Variants in ZC3H7A observed in about 807,000 individuals in gnomAD.
The protein encoded by ZC3H7A is zinc finger CCCH domain-containing protein 7A.
A neutral mutation model predicts 125.5 loss-of-function variants in ZC3H7A; 44 were observed. That is an observed-to-expected ratio of 0.35 (90% CI 0.28 to 0.45). ZC3H7A has a LOEUF of 0.45. ZC3H7A is among the 20% of genes least tolerant of loss of function. The pLI is 1.00. For synonymous variants in ZC3H7A, 399 were observed against 391.2 expected, an observed-to-expected ratio of 1.02 and a Z score of -0.23; for missense variants, 977 against 1,170.7, an observed-to-expected ratio of 0.83 and a Z score of 2.41.
At position 11,761,481 on chromosome 16, in the gene ZC3H7A, C is replaced by T; in HGVS notation, c.2244G>A (p.Val748=). Residue 748 remains valine (V), a synonymous_variant, in exon 19 of 23, where the codon GTG becomes GTA. Coordinates refer to ENST00000355758, the MANE Select transcript of ZC3H7A (RefSeq NM_014153.4). The part of the protein sequence containing the change: ...SWTKDRRAMR[V]MSIERKKWMN... ...TCCACTTCTTACGTTCAATAGACATCACTCTCATCGCACGCCGGTCTTTGG... is the reference window on the plus strand; with the variant it reads ...TCCACTTCTTACGTTCAATAGACATTACTCTCATCGCACGCCGGTCTTTGG... 6.2e-7 allele frequency: 1 copy of T among 1,614,094 alleles called. No homozygotes were observed. The highest frequency in any genetic ancestry group is 8.5e-7 in the Non-Finnish European group (1 of 1,179,988).
chr16:11,780,550 C>T (rs2053158744), intron 3 of ZC3H7A, among the ~76,000 whole-genome samples: 1 of 152,174 alleles, frequency 6.6e-6, no homozygotes, highest in East Asian at 1.9e-4. Context: ...TTTTAGAAGA[C>T]TGGACGGATC....
At chr16:11,782,462 C>G (rs1441989361) in intron 1 of ZC3H7A, 74 bp from the exon 2 acceptor site, 1 of 1,214,646 alleles carries the variant, frequency 8.2e-7, no homozygotes, top group Non-Finnish European at 1.2e-6. Flanking sequence ...CCCACAAATC[C>G]AGACCTTGTC....
At chr16:11,789,775 C>A (rs1035325382) in intron 1 of ZC3H7A, among the ~76,000 whole-genome samples, 1 of 151,934 alleles carries the variant, frequency 6.6e-6, no homozygotes, top group Non-Finnish European at 1.5e-5. Context: ...TCTAAGTATC[C>A]CTTTAAAGAA....
At chr16:11,767,025 A>G (rs1450621924) in intron 13 of ZC3H7A, among the ~76,000 whole-genome samples, 1 of 152,212 alleles carries the variant, frequency 6.6e-6, no homozygotes. Context: ...TTACATATTA[A>G]TAGATGTTAT....
chr16:11,782,115 G>C (rs899247385), intron 2 of ZC3H7A, among the ~76,000 whole-genome samples, 172 bp downstream of exon 2: 1 of 152,128 alleles, frequency 6.6e-6, no homozygotes, highest in African/African-American at 2.4e-5. Flanking sequence ...GCTTCCGAAT[G>C]CAAGAATGTT....
At chr16:11,763,437 G>GCTCTTGAGGAGACATACTTCT in intron 16 of ZC3H7A, 41 bp downstream of exon 16, 1 of 1,549,512 alleles carries the variant, frequency 6.5e-7, no homozygotes, top group East Asian at 2.4e-5. Context: ...AACCCTGTCT[G>GCTCTTGAGGAGACATACTTCT]CTCTTGAGGA....
rs971067639 is a variant in ZC3H7A, at chr16:11,797,154, A to C, written c.-65T>G. 2 of 152,500 alleles carry C rather than the reference A, an allele frequency of 1.3e-5. No individual in the cohort carries two copies. The highest frequency in any genetic ancestry group is 6.7e-5 in the Admixed American group (1 of 14,854). The allele number at this position is 152,500 out of a possible 1,614,324, so 9.4% of individuals were successfully genotyped here. On this transcript the variant is annotated 5_prime_UTR_variant, in exon 1 of 23. Transcript: ENST00000355758. The stretch of plus-strand genomic sequence containing the variant: ...GGGACGACGCGCCGGCCGGCGGCAG[A>C]AGGCAGGCGGAGGCGGGCGGCGGCA...
chr16:11,760,137 A>AAAAAAAAAAAAAAAAAAC (rs1555493879), intron 19 of ZC3H7A, among the ~76,000 whole-genome samples: 1 of 137,642 alleles, frequency 7.3e-6, no homozygotes. Flanking sequence ...AAAAAAAAAA[A>AAAAAAAAAAAAAAAAAAC]AAAAAAAAGA....
intron 16 of ZC3H7A, chr16:11,763,271 T>G: frequency 7.8e-6 from 3 of 383,708 alleles, no homozygotes; most frequent in Non-Finnish European, 9.2e-6. Context: ...CCACGCCCGA[T>G]TAATTTTTGT....
chr16:11,797,021 G>A (rs1352175911), intron 1 of ZC3H7A, 103 bp downstream of exon 1: 4 of 144,578 alleles, frequency 2.8e-5, no homozygotes, highest in Non-Finnish European at 4.5e-5. Context: ...CCCGCCGTCC[G>A]TTAACGGCCG....
intron 19 of ZC3H7A, 88 bp downstream of exon 19, chr16:11,761,318 G>A (rs2052748798): frequency 1.6e-6 from 2 of 1,248,722 alleles, no homozygotes; most frequent in Non-Finnish European, 2.3e-6. Flanking sequence ...TTATTTAAAG[G>A]GCTTGAGTTT....
chr16:11,785,614 C>G, intron 1 of ZC3H7A, among the ~76,000 whole-genome samples: 1 of 151,722 alleles, frequency 6.6e-6, no homozygotes, highest in East Asian at 1.9e-4. Context: ...ATCCATATGA[C>G]CCATTTTGTT....
Position 11,751,124 on chromosome 16 carries a change from CA to C in ZC3H7A, c.*192del. On this transcript the variant is annotated 3_prime_UTR_variant, in exon 23 of 23. Coordinates refer to ENST00000355758, the MANE Select transcript of ZC3H7A (RefSeq NM_014153.4). Reference sequence around the variant, plus strand: ...TAGCAGTCACTTCACCATCTGATGCCAGTGGTTCCGTGAGAGCGTGGCCAGG... The same window carrying C: ...TAGCAGTCACTTCACCATCTGATGCCGTGGTTCCGTGAGAGCGTGGCCAGG... 1 of 521,652 alleles carries C rather than the reference CA, an allele frequency of 1.9e-6. No homozygotes were observed. The highest frequency in any genetic ancestry group is 3.3e-6 in the Non-Finnish European group (1 of 301,078). The allele number at this position is 521,652 out of a possible 1,614,324, so 32.3% of individuals were successfully genotyped here.
chr16:11,751,288 AT>A lies in ZC3H7A; in HGVS notation c.*28del, dbSNP rs780232146. 3 of 1,589,814 alleles carry A rather than the reference AT, an allele frequency of 1.9e-6. No individual in the cohort carries two copies. The highest frequency in any genetic ancestry group is 2.6e-6 in the Non-Finnish European group (3 of 1,167,318). On this transcript the variant is annotated 3_prime_UTR_variant, in exon 23 of 23. Transcript: ENST00000355758. ...TTCAATTTTTCTGGTCAATGCTCTG[AT>A]TAGGTATCATACATAAAAGCCAGCA...
At chr16:11,763,062 G>C (rs1209196010) in intron 16 of ZC3H7A, 1 of 292,290 alleles carries the variant, frequency 3.4e-6, no homozygotes, top group Non-Finnish European at 6.4e-6. Flanking sequence ...AAAATCAATA[G>C]CGTCACCACA....
chr16:11,797,049 GCGGCGCGCGC>G (rs2053451565), intron 1 of ZC3H7A, 65 bp downstream of exon 1: 1 of 136,568 alleles, frequency 7.3e-6, no homozygotes, highest in South Asian at 1.9e-4. Context: ...GCACGAGGCG[GCGGCGCGCGC>G]GGGGGGGGCG....
At chr16:11,795,957 C>T (rs1450396913) in intron 1 of ZC3H7A, among the ~76,000 whole-genome samples, 2 of 151,982 alleles carry the variant, frequency 1.3e-5, no homozygotes, top group South Asian at 2.1e-4. Flanking sequence ...CTCAGCTTCC[C>T]GAGTAGCTGA....
chr16:11,758,470 C>T lies in ZC3H7A; in HGVS notation c.2389G>A (p.Glu797Lys). The T allele has an allele frequency of 6.2e-7, 1 of 1,613,910 alleles. No homozygotes were observed. The highest frequency in any genetic ancestry group is 8.5e-7 in the Non-Finnish European group (1 of 1,179,812). ...VGNCSFAHSP[E>K]EREVWTYMKE... ...ATGTAAGTCCAAACTTCTCTTTCCT[C>T]AGGACTATGAGCAAAGGAACAGTTT... Residue 797 changes from glutamate to lysine, a missense_variant, in exon 20 of 23, where the codon GAG (glutamate) becomes AAG (lysine). Glu to Lys is a moderately conservative substitution (Grantham distance 56). Around this residue, in one of 3 missense-constraint regions of ZC3H7A, gnomAD observed 436 missense variants for 603.2 expected, o/e 0.72. Coordinates refer to ENST00000355758, the MANE Select transcript of ZC3H7A (RefSeq NM_014153.4).
intron 16 of ZC3H7A, 169 bp downstream of exon 16, chr16:11,763,309 G>C (rs371096931): frequency 1.1e-4 from 56 of 526,534 alleles, no homozygotes; most frequent in African/African-American, 8.9e-4. Context: ...GGATTTTGCC[G>C]TACTGGCCAG....
Sources: allele counts gnomAD v4.1 joint callset (sites outside exome capture counted in the v4.1 genomes callset), GRCh38; gene constraint gnomAD v4.1.1; regional missense constraint gnomAD v4.1.1; transcripts MANE v1.5; gene names NCBI Gene and HGNC (gene_info 2026-07-23, HGNC 2026-07-21).